COPA: variants seen among roughly 807,000 people sequenced by gnomAD.
COPA encodes the protein coat protein complex I subunit alpha, also known as coatomer subunit alpha.
A neutral mutation model predicts 158.7 loss-of-function variants in COPA; 10 were observed. The observed-to-expected ratio is 0.06, with a 90% CI of 0.04 to 0.11. The LOEUF is 0.11. Among genes scored for constraint, COPA ranks in the 10% least tolerant of loss-of-function variants. The probability of loss-of-function intolerance (pLI) is 1.00; values close to 1 mark genes in which losing one functional copy is unlikely to be tolerated. For missense variants in COPA, 1,065 were observed against 1,536.7 expected (o/e 0.69, Z 5.13); for synonymous variants, 462 against 542.8 (o/e 0.85, Z 2.07).
intron 11 of COPA, 144 bp downstream of exon 11, chr1:160,311,724 G>A: frequency 1.3e-6 from 1 of 771,450 alleles, no homozygotes; most frequent in East Asian, 3.9e-5. Flanking sequence ...TCCAGCCTGG[G>A]CGACAAAGCG....
rs916710867 is a variant in COPA at position 160,327,093 on chromosome 1, A to G, written c.497-1441T>C. On this transcript the variant is annotated intron_variant, in intron 6 of 32. Coordinates refer to ENST00000241704, the MANE Select transcript of COPA (RefSeq NM_004371.4). ...ATGAACAAGCAGGTAAAATTATAAC[A>G]GTTTGTAGATGAGAAAAAAAGAATT... Among the ~76,000 whole-genome samples the G allele has an allele frequency of 2.0e-4, 30 of 152,362 alleles. 1 individual carries two copies. Among genetic ancestry groups the G allele is most frequent in the South Asian group, 1.0e-3 (5 of 4,826 alleles).
At chr1:160,291,059 G>C (rs945011867) in intron 31 of COPA, among the ~76,000 whole-genome samples, 1 of 152,158 alleles carries the variant, frequency 6.6e-6, no homozygotes, top group Non-Finnish European at 1.5e-5. Flanking sequence ...TGGGATATCT[G>C]GAGCTTAAGG....
At chr1:160,330,127 C>G (rs72706680) in intron 6 of COPA, among the ~76,000 whole-genome samples, 9 of 151,912 alleles carry the variant, frequency 5.9e-5, no homozygotes, top group African/African-American at 1.7e-4. Context: ...GCCACCCCCC[C>G]CAAAAAAAAA....
At chr1:160,291,681 TCCTCC>T in intron 30 of COPA, 133 bp downstream of exon 30, 1 of 1,089,766 alleles carries the variant, frequency 9.2e-7, no homozygotes, top group Non-Finnish European at 1.3e-6. Context: ...AAGAAATGTA[TCCTCC>T]CCTCATAGAA....
intron 17 of COPA, 55 bp downstream of exon 17, chr1:160,305,378 C>T (rs953577361): frequency 4.9e-5 from 76 of 1,566,306 alleles, no homozygotes; most frequent in African/African-American, 2.4e-4. Flanking sequence ...CAAGACAAGA[C>T]AGTGATTTCA....
intron 8 of COPA, chr1:160,317,537 A>C (rs1659188004): frequency 8.1e-6 from 13 of 1,608,134 alleles, no homozygotes; most frequent in Non-Finnish European, 1.1e-5. Flanking sequence ...CATCTCAAGA[A>C]ACTCAAAGAA....
At chr1:160,334,689 A>G (rs73029425) in intron 4 of COPA, among the ~76,000 whole-genome samples, 6,102 of 152,292 alleles carry the variant, frequency 0.04, 338 homozygotes, top group African/African-American at 0.11. Flanking sequence ...AGATCCTGTC[A>G]GGGTGCAACT....
At chr1:160,340,781 G>C (rs1648005199) in intron 1 of COPA, among the ~76,000 whole-genome samples, 1 of 152,158 alleles carries the variant, frequency 6.6e-6, no homozygotes, top group Non-Finnish European at 1.5e-5. Context: ...GTTTTGAATA[G>C]TTTTCTCACA....
chr1:160,330,341 C>G (rs1370146459), intron 6 of COPA, among the ~76,000 whole-genome samples: 1 of 152,192 alleles, frequency 6.6e-6, no homozygotes, highest in East Asian at 1.9e-4. Context: ...TGTCTAGCTC[C>G]TCCTGTTGGC....
In COPA at chr1:160,317,686, G is replaced by C. The variant is rs538209665; in HGVS notation, c.707-3561C>G. The C allele has an allele frequency of 1.8e-5, 27 of 1,490,290 alleles. No individual in the cohort carries two copies. In the East Asian group the frequency reaches 2.9e-4, roughly 16 times the overall value. 92.3% of individuals were successfully genotyped at this position (1,490,290 alleles called of 1,614,324 possible). A position where few individuals can be genotyped will look rare whatever the true frequency, so the allele number is the denominator to read the frequency against. ...GATTGAAGTTTATCAGGAACAAATGGGGGGTCATTCAACAGTTTAGATATT... is the reference window on the plus strand; with the variant it reads ...GATTGAAGTTTATCAGGAACAAATGCGGGGTCATTCAACAGTTTAGATATT... On this transcript the variant is annotated intron_variant, in intron 8 of 32. Transcript: ENST00000241704.
intron 17 of COPA, among the ~76,000 whole-genome samples, chr1:160,299,906 C>T (rs1425698057): frequency 6.6e-6 from 1 of 151,984 alleles, no homozygotes; most frequent in Non-Finnish European, 1.5e-5. Context: ...ACAAAAACTA[C>T]AGTAGAGAAG....
At position 160,294,528 on chromosome 1, in the gene COPA, C is replaced by A; in HGVS notation, c.2632G>T (p.Gly878Cys). Residue 878 changes from glycine to cysteine, a missense_variant, in exon 25 of 33, where the codon GGT (glycine) becomes TGT (cysteine). By Grantham distance (159) the Gly-to-Cys change is radical. This residue lies in a region of COPA where 980 missense variants were observed against 1,357.8 expected (regional missense o/e 0.72). Coordinates refer to ENST00000241704, the MANE Select transcript of COPA (RefSeq NM_004371.4). The stretch of plus-strand genomic sequence containing the variant: ...AGATCTTCTTCTACATCCCAGCCAC[C>A]TCCTTCTTCCTGTCCCTTGCCAAGA... ...DALGKGQEEG[G>C]GWDVEEDLEL... 1 of 1,614,230 alleles carries A rather than the reference C, an allele frequency of 6.2e-7. No individual in the cohort carries two copies. Among genetic ancestry groups the A allele is most frequent in the Non-Finnish European group, 8.5e-7 (1 of 1,180,046 alleles).
intron 6 of COPA, among the ~76,000 whole-genome samples, chr1:160,331,182 A>G (rs1215848984): frequency 1.3e-5 from 2 of 152,214 alleles, no homozygotes; most frequent in Non-Finnish European, 2.9e-5. Context: ...TCACAGGTAC[A>G]GTCCATTCTC....
chr1:160,315,661 A>T (rs1659108649), intron 8 of COPA, among the ~76,000 whole-genome samples: 1 of 152,238 alleles, frequency 6.6e-6, no homozygotes, highest in Non-Finnish European at 1.5e-5. Flanking sequence ...AAACCAAAGC[A>T]AGCCAAACAG....
intron 19 of COPA, among the ~76,000 whole-genome samples, chr1:160,298,266 A>C (rs1243781224): frequency 6.6e-6 from 1 of 152,028 alleles, no homozygotes; most frequent in Non-Finnish European, 1.5e-5. Context: ...ACATCGCATT[A>C]TCCTCCTCCT....
rs144041521 is a variant in COPA at position 160,297,513 on chromosome 1, C to G, written c.2167+43G>C. The stretch of plus-strand genomic sequence containing the variant: ...TTCTCCTTAATTCACCTTCCTCCTT[C>G]CCCCAAGAACCCCTCTTCCCATCCT... On this transcript the variant is annotated intron_variant, in intron 20 of 32. Coordinates refer to ENST00000241704, the MANE Select transcript of COPA (RefSeq NM_004371.4). 3 of 1,612,022 alleles carry G rather than the reference C, an allele frequency of 1.9e-6. No individual in the cohort carries two copies. In the East Asian group the frequency reaches 6.7e-5, roughly 36 times the overall value.
At chr1:160,313,473 G>A (rs975671263) in intron 9 of COPA, among the ~76,000 whole-genome samples, 4 of 151,646 alleles carry the variant, frequency 2.6e-5, no homozygotes, top group African/African-American at 9.7e-5. Flanking sequence ...GGAGTGCAGT[G>A]GCGCGATCTC....
chr1:160,332,545 C>T lies in COPA; in HGVS notation c.399G>A (p.Gly133=), dbSNP rs142221638. Residue 133 remains glycine (G), a synonymous_variant, in exon 6 of 33, where the codon GGG becomes GGA. Coordinates refer to ENST00000241704, the MANE Select transcript of COPA (RefSeq NM_004371.4). ...GAGCACACATCACATAATGGTTGTGCCCTGTTAACACACTGCAAGAAAAAA... is the reference window on the plus strand; with the variant it reads ...GAGCACACATCACATAATGGTTGTGTCCTGTTAACACACTGCAAGAAAAAA... ...QSRTCVCVLT[G]HNHYVMCAQF... is the part of the protein sequence containing the mutation. 6.0e-4 allele frequency: 967 copies of T among 1,607,578 alleles called. 8 individuals are homozygous for T. Among genetic ancestry groups the T allele is most frequent in the South Asian group, 6.0e-3 (535 of 89,462 alleles).
chr1:160,323,963 G>C (rs1005643891), intron 7 of COPA, among the ~76,000 whole-genome samples: 2 of 152,166 alleles, frequency 1.3e-5, no homozygotes, highest in Non-Finnish European at 2.9e-5. Context: ...CCGGGTTCAA[G>C]TAATTCTCTG....
Sources: allele counts gnomAD v4.1 joint callset (sites outside exome capture counted in the v4.1 genomes callset), GRCh38; gene constraint gnomAD v4.1.1; regional missense constraint gnomAD v4.1.1; transcripts MANE v1.5; gene names NCBI Gene and HGNC (gene_info 2026-07-23, HGNC 2026-07-21).